Variants in ZMYM2 observed in about 807,000 individuals in gnomAD.
ZMYM2 encodes zinc finger MYM-type protein 2.
Under a neutral mutation model 162.8 loss-of-function variants are expected in ZMYM2, and 56 were observed. That is an observed-to-expected ratio of 0.34 (90% CI 0.28 to 0.43). ZMYM2 has a LOEUF of 0.43. ZMYM2 is among the 20% of genes least tolerant of loss of function. The pLI is 1.00. For synonymous variants in ZMYM2, 510 were observed against 541.6 expected (o/e 0.94, Z 0.81); for missense variants, 1,275 against 1,621.8 (o/e 0.79, Z 3.67).
chr13:20,056,406 A>G (rs113586271), intron 14 of ZMYM2, among the ~76,000 whole-genome samples: 14 of 152,280 alleles, frequency 9.2e-5, no homozygotes, highest in African/African-American at 3.4e-4. Context: ...GCCCATCCCA[A>G]TGTAGGAGTT....
chr13:19,972,637 G>A (rs1324770772), intron 2 of ZMYM2, among the ~76,000 whole-genome samples: 1 of 151,986 alleles, frequency 6.6e-6, no homozygotes, highest in African/African-American at 2.4e-5. Flanking sequence ...ATGCTGCAAG[G>A]AATATACTTG....
chr13:19,997,897 T>A (rs972516498), intron 3 of ZMYM2, among the ~76,000 whole-genome samples: 4 of 152,188 alleles, frequency 2.6e-5, no homozygotes, highest in Non-Finnish European at 5.9e-5. Flanking sequence ...CTATTTTGTA[T>A]TTAGCTTGGT....
chr13:19,922,661 G>A, the ZMYM2 span, among the ~76,000 whole-genome samples: 3 of 152,004 alleles, frequency 2.0e-5, no homozygotes, highest in South Asian at 2.1e-4. Context: ...TGGCTAACAC[G>A]GTGAAACCCC....
At chr13:19,997,221 A>G (rs1457816009) in intron 3 of ZMYM2, among the ~76,000 whole-genome samples, 1 of 152,162 alleles carries the variant, frequency 6.6e-6, no homozygotes, top group Non-Finnish European at 1.5e-5. Flanking sequence ...TGGCTACACA[A>G]TGGGTATTGA....
chr13:20,079,103 A>G lies in ZMYM2; in HGVS notation c.3454-2913A>G, dbSNP rs535491268. 5.9e-5 allele frequency among the ~76,000 whole-genome samples: 9 copies of G among 151,612 alleles called. No homozygotes were observed. The South Asian group carries it at 1.9e-3, about 32-fold the overall frequency. On this transcript the variant is annotated intron_variant, in intron 21 of 24. Transcript: ENST00000610343. ...TGGGAGGCTGAGGCAGGCAGATCACAACGTCAAGAGATGGAGACCATCCTG... is the reference window on the plus strand; with the variant it reads ...TGGGAGGCTGAGGCAGGCAGATCACGACGTCAAGAGATGGAGACCATCCTG...
chr13:20,077,975 G>A (rs1369103604), intron 21 of ZMYM2, among the ~76,000 whole-genome samples: 9 of 151,232 alleles, frequency 6.0e-5, no homozygotes, highest in East Asian at 1.9e-4. Context: ...CCGCCACCAC[G>A]CCCGGCTAAT....
intron 12 of ZMYM2, among the ~76,000 whole-genome samples, chr13:20,039,481 T>G (rs1181933138): frequency 6.6e-6 from 1 of 151,068 alleles, no homozygotes; most frequent in Non-Finnish European, 1.5e-5. Flanking sequence ...GAGTTTTTTT[T>G]TTTTTTTTTT....
the ZMYM2 span, among the ~76,000 whole-genome samples, chr13:19,909,580 G>A: frequency 6.6e-6 from 1 of 151,790 alleles, no homozygotes; most frequent in Non-Finnish European, 1.5e-5. Flanking sequence ...TTACAGGCAC[G>A]TGACACCACA....
the ZMYM2 span, among the ~76,000 whole-genome samples, chr13:19,912,653 A>G: frequency 6.6e-6 from 1 of 152,074 alleles, no homozygotes. Context: ...AATCTTGATC[A>G]TCTTTCCCTT....
chr13:20,075,754 T>C (rs1957451594), intron 21 of ZMYM2, among the ~76,000 whole-genome samples: 1 of 145,460 alleles, frequency 6.9e-6, no homozygotes, highest in Non-Finnish European at 1.5e-5. Context: ...CCATCTCGGC[T>C]TAATGCAATC....
chr13:19,932,307 A>C, the ZMYM2 span, among the ~76,000 whole-genome samples: 1 of 152,150 alleles, frequency 6.6e-6, no homozygotes, highest in Non-Finnish European at 1.5e-5. Flanking sequence ...GTTTAGAGGA[A>C]GTCAGGAGGG....
intron 2 of ZMYM2, among the ~76,000 whole-genome samples, chr13:19,969,765 CTAA>C (rs1956144177): frequency 6.6e-6 from 1 of 150,724 alleles, no homozygotes; most frequent in Non-Finnish European, 1.5e-5. Context: ...TGAAATTTGT[CTAA>C]TAAGGAAATT....
At chr13:19,949,844 G>T in the ZMYM2 span, among the ~76,000 whole-genome samples, 2 of 141,990 alleles carry the variant, frequency 1.4e-5, no homozygotes, top group African/African-American at 2.6e-5. Flanking sequence ...TCGAGATCAC[G>T]CCACTGCACT....
the ZMYM2 span, among the ~76,000 whole-genome samples, chr13:19,871,453 G>T: frequency 6.6e-6 from 1 of 151,852 alleles, no homozygotes; most frequent in African/African-American, 2.4e-5. Flanking sequence ...ATGGGGTCAT[G>T]CTCTATCGCC....
chr13:19,912,757 AAGCCACT>A, the ZMYM2 span, among the ~76,000 whole-genome samples: 3 of 152,222 alleles, frequency 2.0e-5, no homozygotes, highest in Non-Finnish European at 4.4e-5. Context: ...AGTTACTGGT[AAGCCACT>A]TACATATTAG....
chr13:19,982,634 A>G (rs1276843405), intron 2 of ZMYM2, among the ~76,000 whole-genome samples: 2 of 152,262 alleles, frequency 1.3e-5, no homozygotes, highest in Admixed American at 6.5e-5. Flanking sequence ...AGTTTTTGCC[A>G]TTACTTTCAG....
intron 3 of ZMYM2, among the ~76,000 whole-genome samples, chr13:20,001,677 G>A (rs749569820): frequency 4.6e-5 from 7 of 152,172 alleles, no homozygotes; most frequent in Non-Finnish European, 7.3e-5. Flanking sequence ...TCATACAGCA[G>A]AAGAGTTCAT....
chr13:19,903,382 G>A, the ZMYM2 span, among the ~76,000 whole-genome samples: 1 of 147,698 alleles, frequency 6.8e-6, no homozygotes, highest in East Asian at 2.1e-4. Flanking sequence ...GCTCACGCCT[G>A]TAATTTCAGA....
chr13:20,067,031 A>G lies in ZMYM2; in HGVS notation c.3301+12A>G. The G allele has an allele frequency of 6.3e-7, 1 of 1,586,068 alleles. No individual in the cohort carries two copies. Among genetic ancestry groups the G allele is most frequent in the Non-Finnish European group, 8.6e-7 (1 of 1,168,738 alleles). On this transcript the variant is annotated intron_variant, in intron 20 of 24. Coordinates refer to ENST00000610343, the MANE Select transcript of ZMYM2 (RefSeq NM_197968.4). ...TGAGTTAAAATCTTGTAAGTGTTTTAATTTTGTTTCTCCTAAGTCCTATTT... is the reference window on the plus strand; with the variant it reads ...TGAGTTAAAATCTTGTAAGTGTTTTGATTTTGTTTCTCCTAAGTCCTATTT...
Sources: allele counts gnomAD v4.1 joint callset (sites outside exome capture counted in the v4.1 genomes callset), GRCh38; gene constraint gnomAD v4.1.1; transcripts MANE v1.5; gene names NCBI Gene and HGNC (gene_info 2026-07-23, HGNC 2026-07-21).